FHIT: variants seen among roughly 807,000 people sequenced by gnomAD.
FHIT encodes the protein fragile histidine triad diadenosine triphosphatase.
Under a neutral mutation model 17.9 loss-of-function variants are expected in FHIT, and 19 were observed. That is an observed-to-expected ratio of 1.06 (90% confidence interval 0.74 to 1.56). The LOEUF (loss-of-function observed/expected upper bound fraction) is 1.56, where lower values mean the gene tolerates loss of function less well. FHIT is among the 40% of genes most tolerant of loss of function. FHIT has a pLI of 0.00. For synonymous variants in FHIT, 81 were observed against 69.7 expected, an observed-to-expected ratio of 1.16 and a Z score of -0.81; for missense variants, 248 against 189.2, an observed-to-expected ratio of 1.31 and a Z score of -1.82.
At chr3:60,857,842 C>A (rs1254770406) in intron 3 of FHIT, among the ~76,000 whole-genome samples, 1 of 152,120 alleles carries the variant, frequency 6.6e-6, no homozygotes, top group Non-Finnish European at 1.5e-5. Context: ...GCAGGAGGAT[C>A]AACTGAGCCC....
At chr3:60,713,362 A>C (rs1160526393) in intron 4 of FHIT, among the ~76,000 whole-genome samples, 1 of 151,424 alleles carries the variant, frequency 6.6e-6, no homozygotes, top group Non-Finnish European at 1.5e-5. Flanking sequence ...ATCACAGTTA[A>C]AAGAACTAGA....
intron 3 of FHIT, among the ~76,000 whole-genome samples, chr3:60,900,677 T>G (rs1706070941): frequency 6.6e-6 from 1 of 152,180 alleles, no homozygotes; most frequent in Non-Finnish European, 1.5e-5. Flanking sequence ...AATTGGAAAG[T>G]AGGTATATTA....
intron 7 of FHIT, among the ~76,000 whole-genome samples, chr3:59,983,705 G>T (rs1415299948): frequency 6.6e-6 from 1 of 152,036 alleles, no homozygotes; most frequent in Non-Finnish European, 1.5e-5. Flanking sequence ...GAATAAAGAT[G>T]ACAACCTGGC....
intron 5 of FHIT, among the ~76,000 whole-genome samples, chr3:60,017,264 C>T (rs190872789): frequency 3.3e-5 from 5 of 152,276 alleles, no homozygotes; most frequent in South Asian, 2.1e-4. Context: ...AGAAAGCAGA[C>T]GAGACCTACA....
At chr3:60,441,498 A>T (rs1430043938) in intron 5 of FHIT, among the ~76,000 whole-genome samples, 1 of 151,602 alleles carries the variant, frequency 6.6e-6, no homozygotes, top group African/African-American at 2.4e-5. Context: ...TCCTTGAACA[A>T]CTGTTTCTTT....
At chr3:60,441,674 A>G (rs2030812870) in intron 5 of FHIT, among the ~76,000 whole-genome samples, 3 of 144,408 alleles carry the variant, frequency 2.1e-5, no homozygotes, top group African/African-American at 7.6e-5. Context: ...ATTCTTGAAG[A>G]ATTGATATTT....
chr3:60,164,183 G>C (rs539257539), intron 5 of FHIT, among the ~76,000 whole-genome samples: 6 of 152,234 alleles, frequency 3.9e-5, no homozygotes, highest in African/African-American at 1.4e-4. Flanking sequence ...TCAGGTCAGG[G>C]GAAATGAATC....
At chr3:59,749,799 T>C (rs1700787171) in intron 9 of FHIT, 2 of 222,462 alleles carry the variant, frequency 9.0e-6, no homozygotes. Flanking sequence ...ATGGTTTCAA[T>C]AGAATGTTTC....
Position 60,001,475 on chromosome 3 carries a change from A to G in FHIT, c.279+9896T>C, listed in dbSNP as rs1699726702. On this transcript the variant is annotated intron_variant, in intron 7 of 9. Transcript: ENST00000492590. ...TAATGAATGAATGCCAGATAGAAAA[A>G]CATGAGTAGGCAGGATACTCATTTC... is the stretch of plus-strand genomic sequence containing the variant. Among the ~76,000 whole-genome samples, 2 of 152,152 alleles carry G rather than the reference A, an allele frequency of 1.3e-5. 1 individual carries two copies. Among genetic ancestry groups the G allele is most frequent in the South Asian group, 4.1e-4 (2 of 4,828 alleles).
chr3:60,358,996 G>T (rs1699787143), intron 5 of FHIT, among the ~76,000 whole-genome samples: 1 of 152,120 alleles, frequency 6.6e-6, no homozygotes, highest in Non-Finnish European at 1.5e-5. Context: ...ACTTGTTCAA[G>T]CAACAGGACA....
intron 7 of FHIT, among the ~76,000 whole-genome samples, chr3:59,947,247 C>A (rs911343985): frequency 6.6e-6 from 1 of 152,108 alleles, no homozygotes; most frequent in Admixed American, 6.6e-5. Flanking sequence ...TAACAGGTTG[C>A]ATATTTCCAG....
chr3:59,748,044 G>GT lies in FHIT; in HGVS notation c.*1540dup, dbSNP rs1700697850. Among the ~76,000 whole-genome samples the GT allele has an allele frequency of 6.6e-6, 1 of 152,086 alleles. No individual in the cohort carries two copies. The highest frequency in any genetic ancestry group is 1.5e-5 in the Non-Finnish European group (1 of 68,018). Reference sequence around the variant, plus strand: ...GCTAGAATTAAATGCCCCTCTAATGGTGGCTAGCCTCACTTTTTAACACAG... The same window carrying GT: ...GCTAGAATTAAATGCCCCTCTAATGGTTGGCTAGCCTCACTTTTTAACACAG... On this transcript the variant is annotated 3_prime_UTR_variant, in exon 10 of 10. Coordinates refer to ENST00000492590, the MANE Select transcript of FHIT (RefSeq NM_002012.4).
chr3:60,196,184 T>A (rs912510010), intron 5 of FHIT, among the ~76,000 whole-genome samples: 2 of 152,178 alleles, frequency 1.3e-5, no homozygotes, highest in African/African-American at 4.8e-5. Flanking sequence ...AAGTCAGAAG[T>A]CTGAAATGGC....
At chr3:60,488,167 C>T (rs2033918566) in intron 5 of FHIT, among the ~76,000 whole-genome samples, 1 of 152,086 alleles carries the variant, frequency 6.6e-6, no homozygotes, top group Middle Eastern at 3.2e-3. Context: ...ATGAGGAAAC[C>T]ACAGCAGCAG....
intron 5 of FHIT, among the ~76,000 whole-genome samples, chr3:60,321,354 T>C (rs213383): frequency 0.65 from 99,269 of 151,890 alleles, 33,200 homozygotes; most frequent in South Asian, 0.73. Context: ...CATACACCTG[T>C]AGTCTCAGCT....
intron 5 of FHIT, among the ~76,000 whole-genome samples, chr3:60,511,113 T>C (rs958262654): frequency 6.6e-6 from 1 of 152,176 alleles, no homozygotes; most frequent in Non-Finnish European, 1.5e-5. Context: ...GTGAGTCTCA[T>C]GTCTGCCCAT....
At chr3:60,311,370 G>T (rs774414845) in intron 5 of FHIT, among the ~76,000 whole-genome samples, 11 of 151,962 alleles carry the variant, frequency 7.2e-5, no homozygotes, top group Admixed American at 2.6e-4. Context: ...GTACCATATT[G>T]GTTATGCTTC....
At chr3:61,083,878 T>C (rs1181217440) in intron 2 of FHIT, among the ~76,000 whole-genome samples, 5 of 152,324 alleles carry the variant, frequency 3.3e-5, no homozygotes, top group African/African-American at 9.6e-5. Context: ...TGTACGGATA[T>C]ACCACATTTA....
rs951505060 is a variant in FHIT, at chr3:59,866,062, C to A, written c.348+56284G>T. ...ATATTTACCAGCCACAGACAATAAA[C>A]CCCTGAATAAATGAGCACATTTCAG... is the stretch of plus-strand genomic sequence containing the variant. On this transcript the variant is annotated intron_variant, in intron 8 of 9. Transcript: ENST00000492590. Among the ~76,000 whole-genome samples the A allele has an allele frequency of 5.9e-5, 9 of 152,128 alleles. No individual in the cohort carries two copies. The East Asian group carries it at 1.3e-3, about 23-fold the overall frequency.
Sources: allele counts gnomAD v4.1 joint callset (sites outside exome capture counted in the v4.1 genomes callset), GRCh38; gene constraint gnomAD v4.1.1; transcripts MANE v1.5; gene names NCBI Gene and HGNC (gene_info 2026-07-23, HGNC 2026-07-21).